GALNTL6: variants seen among roughly 807,000 people sequenced by gnomAD.
GALNTL6 encodes the protein polypeptide N-acetylgalactosaminyltransferase like 6.
Under a neutral mutation model 73.7 loss-of-function variants are expected in GALNTL6, and 46 were observed. The ratio of observed to expected loss-of-function variants is 0.62; its 90% CI spans 0.49 to 0.80. GALNTL6 has a LOEUF of 0.80. GALNTL6 is among the 30% of genes least tolerant of loss of function. The pLI is 0.00. For synonymous variants in GALNTL6, 259 were observed against 263.7 expected (o/e 0.98, Z 0.17); for missense variants, 604 against 755.0 (o/e 0.80, Z 2.34).
At chr4:172,920,664 T>G (rs560544786) in intron 8 of GALNTL6, among the ~76,000 whole-genome samples, 1 of 152,298 alleles carries the variant, frequency 6.6e-6, no homozygotes, top group South Asian at 2.1e-4. Flanking sequence ...TGAATGAAAA[T>G]AAGCTCAAAA....
At chr4:172,035,597 G>A (rs1231667273) in intron 2 of GALNTL6, among the ~76,000 whole-genome samples, 2 of 152,096 alleles carry the variant, frequency 1.3e-5, no homozygotes, top group African/African-American at 4.8e-5. Flanking sequence ...CACTATCAAA[G>A]CAAAGTAATA....
rs79281044 is a variant in GALNTL6, at chr4:172,784,294, T to A, written c.554-25067T>A. Reference sequence around the variant, plus strand: ...CCCTTATTAACATTCCTATATTTAATATAAGAAAGCACAACATTATTTTGA... The same window carrying A: ...CCCTTATTAACATTCCTATATTTAAAATAAGAAAGCACAACATTATTTTGA... On this transcript the variant is annotated intron_variant, in intron 5 of 12. Coordinates refer to ENST00000506823, the MANE Select transcript of GALNTL6 (RefSeq NM_001034845.3). Among the ~76,000 whole-genome samples the A allele has an allele frequency of 3.6e-3, 542 of 151,776 alleles. 8 individuals carry two copies. The highest frequency in any genetic ancestry group is 0.017 in the East Asian group (88 of 5,180).
intron 2 of GALNTL6, among the ~76,000 whole-genome samples, chr4:171,917,330 G>C (rs1301063965): frequency 6.6e-6 from 1 of 151,896 alleles, no homozygotes; most frequent in Non-Finnish European, 1.5e-5. Flanking sequence ...GCTCCCTGCT[G>C]ACTTAAATAT....
chr4:172,528,057 A>G (rs1381935126), intron 5 of GALNTL6, among the ~76,000 whole-genome samples: 1 of 151,754 alleles, frequency 6.6e-6, no homozygotes. Context: ...ATTTACAGAT[A>G]GTAACTTAAT....
chr4:172,644,418 A>C (rs1463667058), intron 5 of GALNTL6, among the ~76,000 whole-genome samples: 8 of 152,012 alleles, frequency 5.3e-5, no homozygotes, highest in South Asian at 2.1e-4. Context: ...AACCTCTAAG[A>C]GGTTACTATT....
chr4:172,261,757 C>A (rs920613419), intron 3 of GALNTL6, among the ~76,000 whole-genome samples: 1 of 151,360 alleles, frequency 6.6e-6, no homozygotes, highest in African/African-American at 2.4e-5. Flanking sequence ...TTCCTCTGAG[C>A]ACTCCTTTTG....
In GALNTL6 at chr4:172,795,201, C is replaced by T. The variant is rs569274496; in HGVS notation, c.554-14160C>T. On this transcript the variant is annotated intron_variant, in intron 5 of 12. Transcript: ENST00000506823. The stretch of plus-strand genomic sequence containing the variant: ...AGATGGAATGTCTCAGTAGAAATAC[C>T]GAAAATGAGGATGCAGGGAAGAGAT... Among the ~76,000 whole-genome samples the T allele has an allele frequency of 2.1e-4, 32 of 152,034 alleles. 1 individual carries two copies. In the South Asian group the frequency reaches 5.2e-3, roughly 25 times the overall value.
rs143943952 is a variant in GALNTL6, at chr4:172,681,116, A to G, written c.554-128245A>G. On this transcript the variant is annotated intron_variant, in intron 5 of 12. Coordinates refer to ENST00000506823, the MANE Select transcript of GALNTL6 (RefSeq NM_001034845.3). ...CTGAATGGAGGCTTTCCCACTGCCAATACAGGTTATGAAGGGTAATGGCAG... is the reference window on the plus strand; with the variant it reads ...CTGAATGGAGGCTTTCCCACTGCCAGTACAGGTTATGAAGGGTAATGGCAG... Among the ~76,000 whole-genome samples, 343 of 152,206 alleles carry G rather than the reference A, an allele frequency of 2.3e-3. 1 individual carries two copies. Among genetic ancestry groups the G allele is most frequent in the African/African-American group, 7.9e-3 (327 of 41,530 alleles).
intron 2 of GALNTL6, among the ~76,000 whole-genome samples, chr4:172,221,686 C>T (rs1025230546): frequency 1.3e-5 from 2 of 151,678 alleles, no homozygotes; most frequent in African/African-American, 4.8e-5. Flanking sequence ...AGGTATGCAG[C>T]TGCATAGCAA....
intron 2 of GALNTL6, among the ~76,000 whole-genome samples, chr4:172,128,898 C>T (rs1413221899): frequency 6.6e-6 from 1 of 152,154 alleles, no homozygotes; most frequent in East Asian, 1.9e-4. Flanking sequence ...AACAGTAATA[C>T]CTTATGTTAT....
chr4:172,419,510 T>C (rs6834066), intron 5 of GALNTL6, among the ~76,000 whole-genome samples: 63,119 of 152,068 alleles, frequency 0.42, 15,825 homozygotes, highest in South Asian at 0.65. Context: ...TTTAGCATAG[T>C]GTGAGGCACT....
chr4:172,300,379 TA>T (rs948379279), intron 3 of GALNTL6, among the ~76,000 whole-genome samples: 21 of 152,216 alleles, frequency 1.4e-4, no homozygotes, highest in African/African-American at 5.1e-4. Context: ...CATTTAAGGT[TA>T]ATATTGTTAT....
intron 2 of GALNTL6, among the ~76,000 whole-genome samples, chr4:171,818,272 A>G (rs1379874382): frequency 6.6e-6 from 1 of 151,790 alleles, no homozygotes; most frequent in African/African-American, 2.4e-5. Context: ...GTCTTATTGT[A>G]TTTCTCTTTT....
At chr4:171,860,212 T>C (rs1045417843) in intron 2 of GALNTL6, among the ~76,000 whole-genome samples, 6 of 152,202 alleles carry the variant, frequency 3.9e-5, no homozygotes, top group African/African-American at 1.4e-4. Flanking sequence ...AATACAATAT[T>C]AAATCCATTT....
chr4:171,890,548 G>C (rs1736731926), intron 2 of GALNTL6, among the ~76,000 whole-genome samples: 1 of 152,010 alleles, frequency 6.6e-6, no homozygotes, highest in Admixed American at 6.6e-5. Flanking sequence ...TAAAATAATG[G>C]AGAAAATTGC....
intron 2 of GALNTL6, among the ~76,000 whole-genome samples, chr4:172,190,621 A>G (rs1735548240): frequency 6.6e-6 from 1 of 152,174 alleles, no homozygotes; most frequent in Non-Finnish European, 1.5e-5. Flanking sequence ...TAAGCCTGAG[A>G]GGCATGGAGG....
chr4:172,331,144 A>AT (rs1304212434), intron 4 of GALNTL6, among the ~76,000 whole-genome samples: 1 of 150,616 alleles, frequency 6.6e-6, no homozygotes, highest in Non-Finnish European at 1.5e-5. Context: ...TTGTTAGTTC[A>AT]TTTTTTGTTC....
At chr4:172,459,163 C>A (rs955677482) in intron 5 of GALNTL6, among the ~76,000 whole-genome samples, 6 of 152,050 alleles carry the variant, frequency 3.9e-5, no homozygotes, top group Non-Finnish European at 7.4e-5. Flanking sequence ...AAATTCAACA[C>A]CCCTTCATGC....
intron 7 of GALNTL6, among the ~76,000 whole-genome samples, chr4:172,835,787 G>C (rs1240030986): frequency 6.6e-6 from 1 of 152,198 alleles, no homozygotes; most frequent in Non-Finnish European, 1.5e-5. Flanking sequence ...AAGCAGATAA[G>C]TTAGAGGTAA....
Sources: allele counts gnomAD v4.1 joint callset (sites outside exome capture counted in the v4.1 genomes callset), GRCh38; gene constraint gnomAD v4.1.1; transcripts MANE v1.5; gene names NCBI Gene and HGNC (gene_info 2026-07-23, HGNC 2026-07-21).